The following CNTN5 variants were observed in gnomAD, a reference collection of about 807,000 sequenced individuals.
The protein encoded by CNTN5 is contactin-5.
In CNTN5, 77 loss-of-function variants were observed where a neutral mutation model predicts 129.1. The observed-to-expected ratio is 0.60, with a 90% CI of 0.50 to 0.72. The LOEUF (loss-of-function observed/expected upper bound fraction) is 0.72, where lower values mean the gene tolerates loss of function less well. Among genes scored for constraint, CNTN5 ranks in the 30% least tolerant of loss-of-function variants. CNTN5 has a pLI of 0.00. For missense variants in CNTN5, 1,478 were observed against 1,328.8 expected, an observed-to-expected ratio of 1.11 and a Z score of -1.75; for synonymous variants, 509 against 465.6, an observed-to-expected ratio of 1.09 and a Z score of -1.20.
chr11:99,687,183 T>A (rs1247152132), intron 3 of CNTN5, among the ~76,000 whole-genome samples: 1 of 152,050 alleles, frequency 6.6e-6, no homozygotes, highest in East Asian at 1.9e-4. Flanking sequence ...GTTATTTAGT[T>A]GGGTATTATA....
Position 100,255,828 on chromosome 11 carries a change from A to G in CNTN5, c.2074A>G (p.Ser692Gly). ...CGAAAGTACGGCCACACTGTCCTGGAGCCCAGCAGCTGACAACCACAGCCC... is the reference window on the plus strand; with the variant it reads ...CGAAAGTACGGCCACACTGTCCTGGGGCCCAGCAGCTGACAACCACAGCCC... ...ITESTATLSW[S>G]PAADNHSPIS... is the part of the protein sequence containing the mutation. The change falls in exon 17 of 25, where the codon AGC (serine) becomes GGC (glycine). Residue 692 changes from serine (S) to glycine (G), a missense_variant. Coordinates refer to ENST00000524871, the MANE Select transcript of CNTN5 (RefSeq NM_014361.4). 1 of 1,613,950 alleles carries G rather than the reference A, an allele frequency of 6.2e-7. No homozygotes were observed. Among genetic ancestry groups the G allele is most frequent in the Non-Finnish European group, 8.5e-7 (1 of 1,179,884 alleles).
At chr11:99,712,618 G>T (rs1474190029) in intron 3 of CNTN5, among the ~76,000 whole-genome samples, 1 of 151,602 alleles carries the variant, frequency 6.6e-6, no homozygotes, top group African/African-American at 2.4e-5. Flanking sequence ...TTAGGTTTTA[G>T]GTTTAAGTCT....
intron 1 of CNTN5, among the ~76,000 whole-genome samples, chr11:99,274,449 A>G (rs1863328089): frequency 6.6e-6 from 1 of 151,708 alleles, no homozygotes; most frequent in African/African-American, 2.4e-5. Flanking sequence ...CTGTTTTTTA[A>G]GTACAACAAA....
intron 3 of CNTN5, among the ~76,000 whole-genome samples, chr11:99,654,549 A>G (rs1441919485): frequency 2.6e-5 from 4 of 152,110 alleles, no homozygotes; most frequent in South Asian, 2.1e-4. Flanking sequence ...GTAGGTTTCA[A>G]TCAAATCAGA....
At position 99,273,313 on chromosome 11, in the gene CNTN5, A is replaced by G. The variant is rs959138147; in HGVS notation, c.-209-52033A>G. ...GAGGAAACAAACTTAATTTTATTTAACATCTTCTAGACTATTCTCAACACA... is the reference window on the plus strand; with the variant it reads ...GAGGAAACAAACTTAATTTTATTTAGCATCTTCTAGACTATTCTCAACACA... On this transcript the variant is annotated intron_variant, in intron 1 of 24. Transcript: ENST00000524871. Among the ~76,000 whole-genome samples the G allele has an allele frequency of 4.6e-5, 7 of 151,828 alleles. No individual in the cohort carries two copies. The Admixed American group carries it at 4.6e-4, about 10-fold the overall frequency.
At chr11:99,443,244 T>C (rs939468468) in intron 2 of CNTN5, among the ~76,000 whole-genome samples, 2 of 152,226 alleles carry the variant, frequency 1.3e-5, no homozygotes, top group African/African-American at 4.8e-5. Flanking sequence ...AATATTTTCT[T>C]TGATCCTAAA....
At chr11:100,345,155 G>T (rs1952251039) in intron 23 of CNTN5, among the ~76,000 whole-genome samples, 1 of 152,142 alleles carries the variant, frequency 6.6e-6, no homozygotes, top group South Asian at 2.1e-4. Context: ...ACTTCTCTCA[G>T]TTCTGAAGGC....
At chr11:99,369,555 T>C (rs1361170653) in intron 2 of CNTN5, among the ~76,000 whole-genome samples, 1 of 151,870 alleles carries the variant, frequency 6.6e-6, no homozygotes, top group East Asian at 1.9e-4. Context: ...AATATGTATT[T>C]GCCTAATATA....
chr11:99,504,280 T>C (rs1459504153), intron 2 of CNTN5, among the ~76,000 whole-genome samples: 4 of 152,168 alleles, frequency 2.6e-5, no homozygotes, highest in South Asian at 2.1e-4. Flanking sequence ...TGATGGCTCA[T>C]GCCTGTAATC....
At chr11:100,182,061 G>A (rs186436221) in intron 13 of CNTN5, among the ~76,000 whole-genome samples, 12 of 152,160 alleles carry the variant, frequency 7.9e-5, no homozygotes, top group Non-Finnish European at 1.6e-4. Context: ...TTCAAGAGAG[G>A]TCATTATGCT....
intron 3 of CNTN5, among the ~76,000 whole-genome samples, chr11:99,711,985 G>T (rs996234752): frequency 2.0e-5 from 3 of 151,982 alleles, no homozygotes; most frequent in Admixed American, 2.0e-4. Flanking sequence ...ATAATCCTTT[G>T]GGTATATACC....
intron 2 of CNTN5, among the ~76,000 whole-genome samples, chr11:99,498,131 A>T (rs148314225): frequency 1.3e-5 from 2 of 152,296 alleles, no homozygotes; most frequent in East Asian, 1.9e-4. Flanking sequence ...CTGAGAGACA[A>T]TAGGTTACAT....
intron 3 of CNTN5, among the ~76,000 whole-genome samples, chr11:99,750,968 G>T (rs1490655175): frequency 1.3e-5 from 2 of 152,164 alleles, no homozygotes; most frequent in African/African-American, 4.8e-5. Flanking sequence ...AAGTCACGTG[G>T]TCTTTCAATT....
At chr11:99,486,201 T>C (rs1945805088) in intron 2 of CNTN5, among the ~76,000 whole-genome samples, 1 of 152,122 alleles carries the variant, frequency 6.6e-6, no homozygotes, top group Non-Finnish European at 1.5e-5. Flanking sequence ...CAGATATGTC[T>C]AGACCAAGTT....
At chr11:99,532,245 G>T (rs1947738203) in intron 2 of CNTN5, among the ~76,000 whole-genome samples, 1 of 152,112 alleles carries the variant, frequency 6.6e-6, no homozygotes, top group East Asian at 1.9e-4. Context: ...TTTGGGACTT[G>T]CATGGGCCCT....
intron 9 of CNTN5, among the ~76,000 whole-genome samples, chr11:100,051,235 T>C (rs1381508249): frequency 6.6e-6 from 1 of 151,930 alleles, no homozygotes; most frequent in Non-Finnish European, 1.5e-5. Flanking sequence ...CCAAGATAAA[T>C]TATGTGTTGG....
intron 6 of CNTN5, among the ~76,000 whole-genome samples, chr11:99,902,642 A>T (rs908618541): frequency 1.2e-4 from 18 of 152,176 alleles, no homozygotes; most frequent in African/African-American, 4.3e-4. Context: ...TAAAAATGAG[A>T]TTCATTCTCT....
intron 2 of CNTN5, among the ~76,000 whole-genome samples, chr11:99,463,813 CAG>C (rs1341863253): frequency 6.6e-6 from 1 of 152,046 alleles, no homozygotes; most frequent in African/African-American, 2.4e-5. Context: ...TGTGTAAAGA[CAG>C]AATAATCAAG....
At chr11:99,818,093 T>C (rs1946652329) in intron 3 of CNTN5, among the ~76,000 whole-genome samples, 1 of 152,186 alleles carries the variant, frequency 6.6e-6, no homozygotes, top group South Asian at 2.1e-4. Context: ...TTTCAAATCA[T>C]AGAAAAATGC....
Sources: allele counts gnomAD v4.1 joint callset (sites outside exome capture counted in the v4.1 genomes callset), GRCh38; gene constraint gnomAD v4.1.1; transcripts MANE v1.5; gene names NCBI Gene and HGNC (gene_info 2026-07-23, HGNC 2026-07-21).